MEGF10: variants seen among roughly 807,000 people sequenced by gnomAD.
MEGF10 encodes multiple EGF like domains 10.
MEGF10 carries 86 observed loss-of-function variants against 147.5 expected under a neutral mutation model. The observed-to-expected ratio is 0.58, with a 90% CI of 0.49 to 0.70. MEGF10 has a LOEUF of 0.70. Ranked by LOEUF, MEGF10 falls within the 30% of genes least tolerant of loss-of-function variation. The pLI is 0.00. For missense variants in MEGF10, 1,329 were observed against 1,487.3 expected, an observed-to-expected ratio of 0.89 and a Z score of 1.75; for synonymous variants, 478 against 525.5, an observed-to-expected ratio of 0.91 and a Z score of 1.24.
the MEGF10 span, among the ~76,000 whole-genome samples, chr5:127,252,650 T>C: frequency 6.6e-6 from 1 of 151,890 alleles, no homozygotes; most frequent in Non-Finnish European, 1.5e-5. Flanking sequence ...TTAATTGTGG[T>C]TAACTCTGGG....
intron 3 of MEGF10, among the ~76,000 whole-genome samples, chr5:127,340,243 A>G (rs1479638367): frequency 6.6e-6 from 1 of 152,202 alleles, no homozygotes; most frequent in East Asian, 1.9e-4. Flanking sequence ...TTCTTCCTTT[A>G]AAACATACGT....
At chr5:127,349,806 G>A (rs141501112) in intron 4 of MEGF10, among the ~76,000 whole-genome samples, 114 of 151,868 alleles carry the variant, frequency 7.5e-4, no homozygotes, top group African/African-American at 2.3e-3. Flanking sequence ...TCTAGATGGC[G>A]TACCCAGTAT....
At chr5:127,385,144 T>A (rs1462543921) in intron 5 of MEGF10, among the ~76,000 whole-genome samples, 1 of 152,240 alleles carries the variant, frequency 6.6e-6, no homozygotes, top group African/African-American at 2.4e-5. Flanking sequence ...TTTTAGACTA[T>A]AAAGTATTAA....
intron 1 of MEGF10, among the ~76,000 whole-genome samples, chr5:127,327,858 G>C (rs530024153): frequency 6.9e-4 from 105 of 152,048 alleles, no homozygotes; most frequent in African/African-American, 2.5e-3. Flanking sequence ...GGGATTATAG[G>C]CACCTGCCAG....
At chr5:127,435,627 C>T in intron 16 of MEGF10, 138 bp downstream of exon 16, 3 of 852,996 alleles carry the variant, frequency 3.5e-6, no homozygotes, top group Non-Finnish European at 1.6e-6. Flanking sequence ...ACTTTAAATT[C>T]TTTTTTTAAA....
chr5:127,262,457 T>C, the MEGF10 span, among the ~76,000 whole-genome samples: 1 of 152,126 alleles, frequency 6.6e-6, no homozygotes, highest in African/African-American at 2.4e-5. Flanking sequence ...GCCCCTGTGA[T>C]ATAAGAGAGA....
At chr5:127,291,410 G>A (rs1462432937) in intron 1 of MEGF10, among the ~76,000 whole-genome samples, 1 of 152,188 alleles carries the variant, frequency 6.6e-6, no homozygotes, top group Non-Finnish European at 1.5e-5. Flanking sequence ...TGGGGAATCG[G>A]ACTGAGCTTG....
the MEGF10 span, among the ~76,000 whole-genome samples, chr5:127,271,162 A>AATTTT: frequency 6.6e-6 from 1 of 152,174 alleles, no homozygotes; most frequent in East Asian, 1.9e-4. Flanking sequence ...TGGTTGAACT[A>AATTTT]ATTTACACTC....
At chr5:127,296,180 A>G (rs1017308113) in intron 1 of MEGF10, among the ~76,000 whole-genome samples, 3 of 152,220 alleles carry the variant, frequency 2.0e-5, no homozygotes, top group Admixed American at 6.5e-5. Flanking sequence ...GTACAAACCA[A>G]TGTTATTTTA....
At chr5:127,417,498 C>T in intron 9 of MEGF10, 140 bp from the exon 10 acceptor site, 1 of 817,370 alleles carries the variant, frequency 1.2e-6, no homozygotes, top group Non-Finnish European at 2.0e-6. Flanking sequence ...TAAATCATAC[C>T]AAGCCTGGGA....
intron 5 of MEGF10, among the ~76,000 whole-genome samples, chr5:127,391,076 ACATACACACATGCGCGCGCGCGCGCG>A (rs1020508126): frequency 4.3e-5 from 6 of 139,922 alleles, no homozygotes; most frequent in Non-Finnish European, 7.6e-5. Flanking sequence ...ATATATACAT[ACATACACACATGCGCGCGCGCGCGCG>A]CACACACACA....
intron 5 of MEGF10, among the ~76,000 whole-genome samples, chr5:127,391,677 A>G (rs971006847): frequency 2.6e-5 from 4 of 152,094 alleles, no homozygotes; most frequent in African/African-American, 7.2e-5. Flanking sequence ...ATTATGACTC[A>G]GGGTGCACAG....
the MEGF10 span, among the ~76,000 whole-genome samples, chr5:127,244,554 T>C: frequency 2.0e-5 from 3 of 152,030 alleles, no homozygotes; most frequent in African/African-American, 4.8e-5. Flanking sequence ...AAAAAAGCCA[T>C]ATTCAGGTGG....
chr5:127,307,455 C>T (rs781162103), intron 1 of MEGF10, among the ~76,000 whole-genome samples: 18 of 152,028 alleles, frequency 1.2e-4, no homozygotes, highest in Non-Finnish European at 2.1e-4. Context: ...AGCTGCACAC[C>T]GAATGGAAGT....
chr5:127,370,493 A>G (rs1166170916), intron 5 of MEGF10, among the ~76,000 whole-genome samples: 1 of 152,236 alleles, frequency 6.6e-6, no homozygotes, highest in Non-Finnish European at 1.5e-5. Flanking sequence ...AATAACGAGT[A>G]CTTGTTCAGA....
At chr5:127,231,508 C>G in the MEGF10 span, among the ~76,000 whole-genome samples, 1 of 152,184 alleles carries the variant, frequency 6.6e-6, no homozygotes, top group Admixed American at 6.5e-5. Flanking sequence ...TCCAAGTGAC[C>G]CTGTAAAATT....
chr5:127,242,800 T>G, the MEGF10 span, among the ~76,000 whole-genome samples: 4 of 152,116 alleles, frequency 2.6e-5, no homozygotes, highest in Admixed American at 2.0e-4. Context: ...TGGTGATGGG[T>G]TTTGATCTCC....
intron 2 of MEGF10, among the ~76,000 whole-genome samples, chr5:127,334,430 G>A (rs79078832): frequency 0.018 from 2,752 of 152,196 alleles, 70 homozygotes; most frequent in East Asian, 0.11. Context: ...AGGTTTGTCT[G>A]CATATTCAAG....
At chr5:127,423,448 T>A (rs1765098151) in intron 13 of MEGF10, among the ~76,000 whole-genome samples, 1 of 152,224 alleles carries the variant, frequency 6.6e-6, no homozygotes, top group Admixed American at 6.5e-5. Context: ...ACCTTCCAAG[T>A]ATCATGAGCA....
Sources: gnomAD v4.1 joint callset for allele counts (sites outside exome capture counted in the v4.1 genomes callset) on GRCh38, gnomAD v4.1.1 for gene constraint, MANE v1.5 for transcripts, NCBI Gene and HGNC (gene_info 2026-07-23, HGNC 2026-07-21) for gene names.